ANKRD30B: variants seen among roughly 807,000 people sequenced by gnomAD.
The protein encoded by ANKRD30B is ankyrin repeat domain-containing protein 30B.
ANKRD30B carries 144 observed loss-of-function variants against 202.2 expected under a neutral mutation model. The observed-to-expected ratio is 0.71, with a 90% CI of 0.62 to 0.82. ANKRD30B has a LOEUF of 0.82. Ranked by LOEUF, ANKRD30B falls within the 40% of genes least tolerant of loss-of-function variation. The probability of loss-of-function intolerance (pLI) is 0.00; values close to 1 mark genes in which losing one functional copy is unlikely to be tolerated. For missense variants in ANKRD30B, 1,487 were observed against 1,669.1 expected, an observed-to-expected ratio of 0.89 and a Z score of 1.90; for synonymous variants, 508 against 561.3, an observed-to-expected ratio of 0.91 and a Z score of 1.34.
At chr18:14,865,062 T>TC in the ANKRD30B span, among the ~76,000 whole-genome samples, 3 of 150,812 alleles carry the variant, frequency 2.0e-5, no homozygotes, top group Non-Finnish European at 4.4e-5. Context: ...CAGTCCTCTT[T>TC]CCCCACTCCC....
intron 24 of ANKRD30B, among the ~76,000 whole-genome samples, chr18:14,805,532 T>C (rs1283444297): frequency 1.3e-5 from 2 of 150,388 alleles, no homozygotes; most frequent in East Asian, 3.9e-4. Flanking sequence ...TTTAGTATTA[T>C]GCTCCAAGTA....
chr18:14,773,730 A>G (rs1162314307), intron 9 of ANKRD30B, among the ~76,000 whole-genome samples: 2 of 147,744 alleles, frequency 1.4e-5, no homozygotes, highest in Non-Finnish European at 3.0e-5. Context: ...ATCTCGGCTC[A>G]CTGCATCCTC....
the ANKRD30B span, among the ~76,000 whole-genome samples, chr18:14,917,327 T>A: frequency 1.3e-5 from 2 of 152,222 alleles, no homozygotes; most frequent in Admixed American, 1.3e-4. Context: ...TCCTTTCTCA[T>A]TGCCTTTCTC....
rs1448780713 is a variant in ANKRD30B at position 14,762,530 on chromosome 18, C to A, written c.821-1156C>A. ...GGTCTCACTATTATCAACTTCATTCCGTCTAAGTTGAAACCAAATAAGATA... is the reference window on the plus strand; with the variant it reads ...GGTCTCACTATTATCAACTTCATTCAGTCTAAGTTGAAACCAAATAAGATA... On this transcript the variant is annotated intron_variant, in intron 6 of 43. Transcript: ENST00000690538. 2.0e-5 allele frequency among the ~76,000 whole-genome samples: 3 copies of A among 152,040 alleles called. No individual in the cohort carries two copies. In the East Asian group the frequency reaches 5.8e-4, roughly 29 times the overall value.
chr18:14,835,089 A>G (rs1966967265), intron 34 of ANKRD30B, among the ~76,000 whole-genome samples: 2 of 151,882 alleles, frequency 1.3e-5, no homozygotes, highest in Admixed American at 6.5e-5. Context: ...ATAATAGAGT[A>G]TAAATAAGCA....
At chr18:14,883,397 C>CTATA in the ANKRD30B span, 7 of 52,380 alleles carry the variant, frequency 1.3e-4, no homozygotes, top group African/African-American at 3.4e-4. Flanking sequence ...CTCTCTCTCT[C>CTATA]TCTATATATA....
At chr18:14,749,326 G>A (rs1029129144) in intron 1 of ANKRD30B, among the ~76,000 whole-genome samples, 1 of 152,078 alleles carries the variant, frequency 6.6e-6, no homozygotes, top group African/African-American at 2.4e-5. Flanking sequence ...TAAATATTTT[G>A]TAATGGAGTA....
intron 9 of ANKRD30B, among the ~76,000 whole-genome samples, chr18:14,774,270 A>T (rs1967212978): frequency 6.6e-6 from 1 of 152,160 alleles, no homozygotes; most frequent in Non-Finnish European, 1.5e-5. Context: ...TTCATCATAT[A>T]TCTTATAGTT....
intron 15 of ANKRD30B, among the ~76,000 whole-genome samples, chr18:14,789,763 T>A (rs1375794542): frequency 6.6e-6 from 1 of 152,226 alleles, no homozygotes; most frequent in African/African-American, 2.4e-5. Context: ...TCTGTTTTGG[T>A]ACCAGTACCA....
the ANKRD30B span, among the ~76,000 whole-genome samples, chr18:14,928,569 A>G: frequency 6.6e-6 from 1 of 152,148 alleles, no homozygotes; most frequent in Non-Finnish European, 1.5e-5. Context: ...ACTATCAGCG[A>G]TCCTGTTCTC....
At chr18:14,919,977 C>T in the ANKRD30B span, among the ~76,000 whole-genome samples, 25 of 152,278 alleles carry the variant, frequency 1.6e-4, no homozygotes, top group South Asian at 3.9e-3. Context: ...CCTGCACAGG[C>T]CTCTGAACTG....
the ANKRD30B span, among the ~76,000 whole-genome samples, chr18:14,922,654 C>CA: frequency 0.55 from 57,162 of 104,522 alleles, 13,499 homozygotes; most frequent in East Asian, 0.56. Context: ...GACTCCGTCT[C>CA]AAAAAAAAAA....
chr18:14,932,257 TGTGGCA>T, the ANKRD30B span, among the ~76,000 whole-genome samples: 1 of 151,746 alleles, frequency 6.6e-6, no homozygotes, highest in Non-Finnish European at 1.5e-5. Flanking sequence ...TCCTGAAGGC[TGTGGCA>T]GTGGCCTCCA....
chr18:14,763,893 C>G lies in ANKRD30B; in HGVS notation c.1028C>G (p.Thr343Arg). The G allele has an allele frequency of 1.2e-6, 2 of 1,611,824 alleles. No homozygotes were observed. The highest frequency in any genetic ancestry group is 1.7e-6 in the Non-Finnish European group (2 of 1,178,904). Residue 343 changes from threonine to arginine, a missense_variant, in exon 7 of 44, where the codon ACA becomes AGA. Around this residue, in one of 6 missense-constraint regions of ANKRD30B, gnomAD observed 889 missense variants for 841.4 expected, o/e 1.06. Coordinates refer to ENST00000690538, the MANE Select transcript of ANKRD30B (RefSeq NM_001367607.2). ...EETPRKILRPTKETSEKFSWP... is the reference protein window; with the variant it reads ...EETPRKILRPRKETSEKFSWP... Reference sequence around the variant, plus strand: ...ACACCTAGGAAAATTTTGAGGCCTACAAAAGAAACATCTGAGAAATTTTCA... The same window carrying G: ...ACACCTAGGAAAATTTTGAGGCCTAGAAAAGAAACATCTGAGAAATTTTCA...
chr18:14,939,560 G>A, the ANKRD30B span, among the ~76,000 whole-genome samples: 10 of 152,154 alleles, frequency 6.6e-5, no homozygotes, highest in African/African-American at 2.4e-4. Context: ...GCCCTAATTA[G>A]GAAAGAAACA....
At chr18:14,835,998 A>C (rs1406845513) in intron 34 of ANKRD30B, among the ~76,000 whole-genome samples, 1 of 152,102 alleles carries the variant, frequency 6.6e-6, no homozygotes, top group East Asian at 1.9e-4. Context: ...TCTTGAAATA[A>C]ATTTGGAAAT....
At position 14,748,507 on chromosome 18, in the gene ANKRD30B, G is replaced by A. The variant is rs2067594256; in HGVS notation, c.88G>A (p.Asp30Asn). ...PFSERVYTEKDYGTIYFGDLG... is the reference protein window; with the variant it reads ...PFSERVYTEKNYGTIYFGDLG... ...CAGCGAACGGGTCTACACTGAGAAG[G>A]ACTACGGGACCATCTACTTCGGGGA... Residue 30 changes from aspartate (D) to asparagine (N), a missense_variant, in exon 1 of 44, where the codon GAC becomes AAC. Transcript: ENST00000690538. 6.4e-7 allele frequency: 1 copy of A among 1,551,752 alleles called. No individual in the cohort carries two copies. Among genetic ancestry groups the A allele is most frequent in the Non-Finnish European group, 8.7e-7 (1 of 1,147,072 alleles).
the ANKRD30B span, among the ~76,000 whole-genome samples, chr18:14,865,019 T>C: frequency 6.6e-6 from 1 of 151,752 alleles, no homozygotes; most frequent in African/African-American, 2.4e-5. Flanking sequence ...GCCTTCCATC[T>C]ACCCCGAACT....
At chr18:14,865,625 T>C in the ANKRD30B span, among the ~76,000 whole-genome samples, 8 of 151,472 alleles carry the variant, frequency 5.3e-5, no homozygotes, top group African/African-American at 1.9e-4. Context: ...AGTTTTTTTT[T>C]TCCCAACATC....
Sources: allele counts gnomAD v4.1 joint callset (sites outside exome capture counted in the v4.1 genomes callset), GRCh38; gene constraint gnomAD v4.1.1; regional missense constraint gnomAD v4.1.1; transcripts MANE v1.5; gene names NCBI Gene and HGNC (gene_info 2026-07-23, HGNC 2026-07-21).